TRMT1L: variants seen among roughly 807,000 people sequenced by gnomAD.
The protein encoded by TRMT1L is tRNA methyltransferase 1L.
In TRMT1L, 28 loss-of-function variants were observed where a neutral mutation model predicts 81.6. The observed-to-expected ratio is 0.34, with a 90% confidence interval of 0.25 to 0.47. The LOEUF is 0.47. TRMT1L is among the 20% of genes least tolerant of loss of function. TRMT1L has a pLI of 1.00. For synonymous variants in TRMT1L, 301 were observed against 303.2 expected, an observed-to-expected ratio of 0.99 and a Z score of 0.07; for missense variants, 739 against 877.1, an observed-to-expected ratio of 0.84 and a Z score of 1.99.
intron 10 of TRMT1L, among the ~76,000 whole-genome samples, chr1:185,133,580 T>C (rs1246231822): frequency 6.6e-6 from 1 of 151,758 alleles, no homozygotes; most frequent in Non-Finnish European, 1.5e-5. Context: ...ACTCACTCTC[T>C]GGTTCTTCTG....
intron 3 of TRMT1L, 54 bp from the exon 4 acceptor site, chr1:185,147,300 C>A: frequency 7.4e-7 from 1 of 1,356,026 alleles, no homozygotes; most frequent in Non-Finnish European, 1.0e-6. Flanking sequence ...ATTCAGTTAT[C>A]AAAAATTATA....
In TRMT1L at chr1:185,118,723, T is replaced by C. The variant is rs1000741394; in HGVS notation, c.*1296A>G. Reference sequence around the variant, plus strand: ...AAAATAAACTCTCTTGGGAATACGCTGTACTAGCACGAAGAGATTTTCCTT... The same window carrying C: ...AAAATAAACTCTCTTGGGAATACGCCGTACTAGCACGAAGAGATTTTCCTT... On this transcript the variant is annotated 3_prime_UTR_variant, in exon 15 of 15. Coordinates refer to ENST00000367506, the MANE Select transcript of TRMT1L (RefSeq NM_030934.5). 5.9e-5 allele frequency: 9 copies of C among 152,168 alleles called. 1 individual carries two copies. The highest frequency in any genetic ancestry group is 2.2e-4 in the African/African-American group (9 of 41,454). The allele number at this position is 152,168 out of a possible 1,614,324, so 9.4% of individuals were successfully genotyped here.
chr1:185,125,275 TTTATTA>T (rs1050214922), intron 11 of TRMT1L, among the ~76,000 whole-genome samples, 165 bp from the exon 12 acceptor site: 39 of 152,298 alleles, frequency 2.6e-4, no homozygotes, highest in African/African-American at 8.9e-4. Flanking sequence ...GTTTATTTTC[TTTATTA>T]TTATTATTCT....
In TRMT1L at chr1:185,118,153, T is replaced by C. The variant is rs1212017402; in HGVS notation, c.*1866A>G. ...ATACAACTGATGCTACTTTACAACA[T>C]GATAAACATTTGCAATGTCCCAAAT... On this transcript the variant is annotated 3_prime_UTR_variant, in exon 15 of 15. Coordinates refer to ENST00000367506, the MANE Select transcript of TRMT1L (RefSeq NM_030934.5). 2 of 152,192 alleles carry C rather than the reference T, an allele frequency of 1.3e-5. No homozygotes were observed. Among genetic ancestry groups the C allele is most frequent in the Non-Finnish European group, 2.9e-5 (2 of 68,036 alleles). The allele number at this position is 152,192 out of a possible 1,614,324, so 9.4% of individuals were successfully genotyped here.
intron 5 of TRMT1L, among the ~76,000 whole-genome samples, chr1:185,144,408 A>G (rs1653130775): frequency 6.6e-6 from 1 of 152,018 alleles, no homozygotes; most frequent in South Asian, 2.1e-4. Flanking sequence ...TTTGCTAAAT[A>G]TATTTCACTA....
chr1:185,120,443 T>C lies in TRMT1L; in HGVS notation c.1889A>G (p.Glu630Gly), dbSNP rs759378445. 1.9e-6 allele frequency: 3 copies of C among 1,604,268 alleles called. No homozygotes were observed. The highest frequency in any genetic ancestry group is 2.6e-6 in the Non-Finnish European group (3 of 1,176,360). ...GKKQKTDVST[E>G]HPPFYYNIHR... ...AATGTTGTAATAAAAGGGAGGATGT[T>C]CAGTACTGACATCAGTCTTTTGCTT... is the stretch of plus-strand genomic sequence containing the variant. The change falls in exon 14 of 15, where the codon GAA becomes GGA. Residue 630 changes from glutamate (E) to glycine (G), a missense_variant. This residue lies in a region of TRMT1L where 196 missense variants were observed against 232.6 expected (regional missense o/e 0.84). Transcript: ENST00000367506.
chr1:185,152,866 G>C (rs1249514280), intron 1 of TRMT1L, among the ~76,000 whole-genome samples: 3 of 152,282 alleles, frequency 2.0e-5, no homozygotes, highest in East Asian at 1.9e-4. Flanking sequence ...TGTACTACTG[G>C]TACAGTATTC....
At position 185,119,038 on chromosome 1, in the gene TRMT1L, G is replaced by C. The variant is rs1427790298; in HGVS notation, c.*981C>G. The C allele has an allele frequency of 6.7e-6, 1 of 149,696 alleles. No individual in the cohort carries two copies. The highest frequency in any genetic ancestry group is 2.1e-4 in the East Asian group (1 of 4,848). 9.3% of individuals were successfully genotyped at this position (149,696 alleles called of 1,614,324 possible). A position where few individuals can be genotyped will look rare whatever the true frequency, so the allele number is the denominator to read the frequency against. ...CAAATGAAGTGAGAATTCCATTAAG[G>C]AAACAATATTTTTTTTTTCAACTAA... is the stretch of plus-strand genomic sequence containing the variant. On this transcript the variant is annotated 3_prime_UTR_variant, in exon 15 of 15. Transcript: ENST00000367506.
rs1450861805 is a variant in TRMT1L, at chr1:185,143,280, C to A, written c.859+77G>T. The A allele has an allele frequency of 1.1e-5, 14 of 1,286,328 alleles. No individual in the cohort carries two copies. In the Admixed American group the frequency reaches 3.2e-4, roughly 30 times the overall value. 79.7% of individuals were successfully genotyped at this position (1,286,328 alleles called of 1,614,324 possible). ...ATCTTTAATTTTTTTACATCACTGC[C>A]CATATATATTTTCTAAGAAAAAATA... is the stretch of plus-strand genomic sequence containing the variant. On this transcript the variant is annotated intron_variant, in intron 7 of 14. Coordinates refer to ENST00000367506, the MANE Select transcript of TRMT1L (RefSeq NM_030934.5).
intron 7 of TRMT1L, among the ~76,000 whole-genome samples, chr1:185,142,597 A>G (rs1346076427): frequency 1.3e-5 from 2 of 152,104 alleles, no homozygotes; most frequent in Non-Finnish European, 2.9e-5. Flanking sequence ...ACACAAAAAA[A>G]GAGACACAAC....
rs747762957 is a variant in TRMT1L at position 185,120,078 on chromosome 1, C to G, written c.2143G>C (p.Glu715Gln). The G allele has an allele frequency of 6.2e-7, 1 of 1,613,990 alleles. No individual in the cohort carries two copies. Among genetic ancestry groups the G allele is most frequent in the Admixed American group, 1.7e-5 (1 of 59,982 alleles). The change falls in exon 15 of 15, where the codon GAA (glutamate) becomes CAA (glutamine). Residue 715 changes from glutamate to glutamine, a missense_variant. Around this residue, in one of 4 missense-constraint regions of TRMT1L, gnomAD observed 196 missense variants for 232.6 expected, o/e 0.84. Coordinates refer to ENST00000367506, the MANE Select transcript of TRMT1L (RefSeq NM_030934.5). ...TCATTCACTGACATTTCAACTCTTTCAGTTACTGTATCTTCAGATGCTGAC... is the reference window on the plus strand; with the variant it reads ...TCATTCACTGACATTTCAACTCTTTGAGTTACTGTATCTTCAGATGCTGAC... Reference protein sequence around the residue: ...VQSASEDTVTERVEMSVNDKA... With the variant: ...VQSASEDTVTQRVEMSVNDKA...
At chr1:185,145,764 C>T (rs1411320432) in intron 4 of TRMT1L, among the ~76,000 whole-genome samples, 196 bp from the exon 5 acceptor site, 2 of 151,856 alleles carry the variant, frequency 1.3e-5, no homozygotes, top group African/African-American at 4.8e-5. Context: ...TACAATAGGC[C>T]AGAAGGTTAA....
intron 12 of TRMT1L, among the ~76,000 whole-genome samples, chr1:185,124,536 A>G (rs1652575316): frequency 6.6e-6 from 1 of 152,020 alleles, no homozygotes; most frequent in African/African-American, 2.4e-5. Context: ...CATCTCTAAA[A>G]AATATTAGCC....
At chr1:185,125,848 A>G (rs949624644) in intron 11 of TRMT1L, among the ~76,000 whole-genome samples, 1 of 152,178 alleles carries the variant, frequency 6.6e-6, no homozygotes, top group African/African-American at 2.4e-5. Flanking sequence ...AGAGGTTTTC[A>G]CAATGCACAT....
intron 11 of TRMT1L, 83 bp from the exon 12 acceptor site, chr1:185,125,193 T>A (rs568676697): frequency 6.5e-6 from 6 of 928,944 alleles, no homozygotes; most frequent in African/African-American, 3.4e-5. Flanking sequence ...TAACTATAAG[T>A]AAGATATATA....
rs1046962945 is a variant in TRMT1L at position 185,120,198 on chromosome 1, C to T, written c.2023G>A (p.Val675Ile). ...VSRTHFDPMG[V>I]RTDAPLMQFK... The stretch of plus-strand genomic sequence containing the variant: ...TGCATCAGAGGTGCATCTGTGCGTA[C>T]ACCCATTGGGTCAAAATGAGTTCGG... The change falls in exon 15 of 15, where the codon GTA becomes ATA. Residue 675 changes from valine (V) to isoleucine (I), a missense_variant. Val to Ile is a conservative substitution (Grantham distance 29). Around this residue, in one of 4 missense-constraint regions of TRMT1L, gnomAD observed 196 missense variants for 232.6 expected, o/e 0.84. Coordinates refer to ENST00000367506, the MANE Select transcript of TRMT1L (RefSeq NM_030934.5). 9 of 1,612,802 alleles carry T rather than the reference C, an allele frequency of 5.6e-6. No homozygotes were observed. In the Admixed American group the frequency reaches 1.3e-4, roughly 24 times the overall value.
At chr1:185,143,328 TG>T (rs770152016) in intron 7 of TRMT1L, 28 bp downstream of exon 7, 2 of 1,547,962 alleles carry the variant, frequency 1.3e-6, no homozygotes, top group East Asian at 4.6e-5. Flanking sequence ...ATAAATAAAA[TG>T]GGGTTCCAAA....
chr1:185,145,825 T>C (rs991832847), intron 4 of TRMT1L, among the ~76,000 whole-genome samples: 3 of 152,038 alleles, frequency 2.0e-5, no homozygotes, highest in African/African-American at 7.2e-5. Flanking sequence ...GTATTTTCTA[T>C]AGGTTGCATT....
At chr1:185,122,493 C>T (rs975418573) in intron 13 of TRMT1L, among the ~76,000 whole-genome samples, 1 of 152,072 alleles carries the variant, frequency 6.6e-6, no homozygotes, top group African/African-American at 2.4e-5. Context: ...CACTATCCTC[C>T]CACTTCAGCC....
Sources: allele counts gnomAD v4.1 joint callset (sites outside exome capture counted in the v4.1 genomes callset), GRCh38; gene constraint gnomAD v4.1.1; regional missense constraint gnomAD v4.1.1; transcripts MANE v1.5; gene names NCBI Gene and HGNC (gene_info 2026-07-23, HGNC 2026-07-21).